The following NDUFAF2 variants were observed in gnomAD, a reference collection of about 807,000 sequenced individuals.
The protein encoded by NDUFAF2 is NADH dehydrogenase [ubiquinone] 1 alpha subcomplex assembly factor 2.
A neutral mutation model predicts 22.8 loss-of-function variants in NDUFAF2; 13 were observed. The ratio of observed to expected loss-of-function variants is 0.57; its 90% CI spans 0.37 to 0.91. The LOEUF is 0.91. NDUFAF2 is among the 40% of genes least tolerant of loss of function. NDUFAF2 has a pLI of 0.01. For missense variants in NDUFAF2, 162 were observed against 195.2 expected, an observed-to-expected ratio of 0.83 and a Z score of 1.01; for synonymous variants, 53 against 64.2, an observed-to-expected ratio of 0.83 and a Z score of 0.84.
intron 1 of NDUFAF2, among the ~76,000 whole-genome samples, chr5:61,007,469 A>G (rs1474036164): frequency 1.3e-5 from 2 of 152,100 alleles, no homozygotes; most frequent in Non-Finnish European, 2.9e-5. Flanking sequence ...AAAACAAACA[A>G]CCCCATTAAA....
intron 3 of NDUFAF2, among the ~76,000 whole-genome samples, chr5:61,148,771 A>C (rs1579855155): frequency 6.6e-6 from 1 of 152,356 alleles, no homozygotes; most frequent in African/African-American, 2.4e-5. Flanking sequence ...TGAAGAGTAT[A>C]CATATGAGTA....
intron 2 of NDUFAF2, among the ~76,000 whole-genome samples, chr5:61,097,915 A>G (rs779490430): frequency 5.3e-5 from 8 of 152,140 alleles, no homozygotes; most frequent in African/African-American, 1.7e-4. Flanking sequence ...TTTTATTTCT[A>G]TTTCTTCAAT....
intron 1 of NDUFAF2, among the ~76,000 whole-genome samples, chr5:61,004,489 A>G (rs1163818739): frequency 6.6e-6 from 1 of 152,180 alleles, no homozygotes; most frequent in African/African-American, 2.4e-5. Context: ...AGGGAATAAA[A>G]GAGCATTCTT....
intron 3 of NDUFAF2, among the ~76,000 whole-genome samples, chr5:61,104,670 T>A (rs1752741425): frequency 1.3e-5 from 2 of 152,202 alleles, no homozygotes; most frequent in South Asian, 4.1e-4. Context: ...CTAAGGTTGC[T>A]TGGCCCTAAA....
chr5:60,986,365 G>A (rs1381560211), intron 1 of NDUFAF2, among the ~76,000 whole-genome samples: 1 of 152,164 alleles, frequency 6.6e-6, no homozygotes, highest in Non-Finnish European at 1.5e-5. Flanking sequence ...GCTCCTGAAT[G>A]ACTTCTTAGT....
At chr5:61,012,122 C>A (rs1369800716) in intron 1 of NDUFAF2, among the ~76,000 whole-genome samples, 1 of 152,010 alleles carries the variant, frequency 6.6e-6, no homozygotes, top group African/African-American at 2.4e-5. Flanking sequence ...TTTTAGGTTT[C>A]TCAAACTATT....
intron 1 of NDUFAF2, among the ~76,000 whole-genome samples, chr5:60,961,783 A>T (rs79402814): frequency 6.7e-6 from 1 of 149,886 alleles, no homozygotes; most frequent in Non-Finnish European, 1.5e-5. Context: ...AAAAAAAAAA[A>T]ATTTACTATG....
chr5:61,104,409 A>G (rs1184236379), intron 3 of NDUFAF2, among the ~76,000 whole-genome samples: 1 of 152,152 alleles, frequency 6.6e-6, no homozygotes, highest in African/African-American at 2.4e-5. Context: ...TACAGGCAGT[A>G]GAAAAAAGTT....
intron 1 of NDUFAF2, among the ~76,000 whole-genome samples, chr5:61,024,917 A>G (rs930693534): frequency 2.0e-5 from 3 of 151,822 alleles, no homozygotes; most frequent in African/African-American, 7.3e-5. Flanking sequence ...CCTCTATTTC[A>G]TGCTTCCATG....
rs372433647 is a variant in NDUFAF2 at position 60,991,375 on chromosome 5, C to T, written c.127+45993C>T. On this transcript the variant is annotated intron_variant, in intron 1 of 3. Coordinates refer to ENST00000296597, the MANE Select transcript of NDUFAF2 (RefSeq NM_174889.5). ...TAAAAATTATTATTGACTATAGTTG[C>T]CCTGTTGTCCTGTCAATAGTAGGTC... is the stretch of plus-strand genomic sequence containing the variant. 1.5e-3 allele frequency among the ~76,000 whole-genome samples: 234 copies of T among 151,862 alleles called. 1 individual carries two copies. The highest frequency in any genetic ancestry group is 5.5e-3 in the African/African-American group (227 of 41,460).
intron 2 of NDUFAF2, among the ~76,000 whole-genome samples, chr5:61,076,044 A>T (rs1752364386): frequency 6.6e-6 from 1 of 152,086 alleles, no homozygotes; most frequent in East Asian, 1.9e-4. Context: ...GGGAAAGGGC[A>T]TAGGGAGTGT....
intron 1 of NDUFAF2, among the ~76,000 whole-genome samples, chr5:60,963,884 A>T (rs1202327514): frequency 6.6e-6 from 1 of 152,206 alleles, no homozygotes; most frequent in African/African-American, 2.4e-5. Context: ...TTGAACAAAG[A>T]CTTGAAGGGA....
chr5:61,119,373 A>G (rs951913472), intron 3 of NDUFAF2, among the ~76,000 whole-genome samples: 4 of 152,180 alleles, frequency 2.6e-5, no homozygotes, highest in African/African-American at 9.6e-5. Flanking sequence ...ATATATGTCT[A>G]TAATTTAGAT....
intron 1 of NDUFAF2, among the ~76,000 whole-genome samples, chr5:61,031,674 T>C (rs932032427): frequency 1.3e-5 from 2 of 152,316 alleles, no homozygotes; most frequent in East Asian, 1.9e-4. Context: ...TGAATAGTGC[T>C]GCAGTAAACA....
intron 1 of NDUFAF2, among the ~76,000 whole-genome samples, chr5:61,047,763 A>G (rs1751971818): frequency 6.6e-6 from 1 of 152,186 alleles, no homozygotes; most frequent in Admixed American, 6.6e-5. Flanking sequence ...CATTCCAGTA[A>G]GGTTTCCTAC....
chr5:61,008,011 A>G (rs1213822119), intron 1 of NDUFAF2, among the ~76,000 whole-genome samples: 4 of 152,080 alleles, frequency 2.6e-5, no homozygotes, highest in Non-Finnish European at 5.9e-5. Context: ...AGGGACATGC[A>G]TGAAATTGGA....
chr5:60,983,593 G>C (rs949203302), intron 1 of NDUFAF2, among the ~76,000 whole-genome samples: 14 of 150,446 alleles, frequency 9.3e-5, no homozygotes, highest in Non-Finnish European at 1.9e-4. Context: ...TGTAAGGAAG[G>C]GATCCAGTTT....
chr5:61,080,687 T>G (rs552327537), intron 2 of NDUFAF2, among the ~76,000 whole-genome samples: 175 of 152,212 alleles, frequency 1.1e-3, no homozygotes, highest in African/African-American at 4.0e-3. Flanking sequence ...TTGCCCAGAA[T>G]TTTTTTAATT....
intron 3 of NDUFAF2, among the ~76,000 whole-genome samples, chr5:61,108,759 G>A (rs1352287699): frequency 6.6e-6 from 1 of 152,060 alleles, no homozygotes; most frequent in Non-Finnish European, 1.5e-5. Context: ...TGTTGAAATT[G>A]AGTTCACTGT....
Sources: gnomAD v4.1 joint callset for allele counts (sites outside exome capture counted in the v4.1 genomes callset) on GRCh38, gnomAD v4.1.1 for gene constraint, MANE v1.5 for transcripts, NCBI Gene and HGNC (gene_info 2026-07-23, HGNC 2026-07-21) for gene names.